The following PAPPA2 variants were observed in gnomAD, a reference collection of about 807,000 sequenced individuals.
PAPPA2 encodes the protein pappalysin-2.
Under a neutral mutation model 176.4 loss-of-function variants are expected in PAPPA2, and 86 were observed. The ratio of observed to expected loss-of-function variants is 0.49; its 90% CI spans 0.41 to 0.58. The LOEUF (loss-of-function observed/expected upper bound fraction) is 0.58, where lower values mean the gene tolerates loss of function less well. Among genes scored for constraint, PAPPA2 ranks in the 20% least tolerant of loss-of-function variants. The probability of loss-of-function intolerance (pLI) is 0.00; values close to 1 mark genes in which losing one functional copy is unlikely to be tolerated. For missense variants in PAPPA2, 2,073 were observed against 2,256.9 expected (o/e 0.92, Z 1.65); for synonymous variants, 809 against 852.2 (o/e 0.95, Z 0.88).
In PAPPA2 at chr1:176,716,366, C is replaced by T. The variant is rs1030615658; in HGVS notation, c.3798+4385C>T. Reference sequence around the variant, plus strand: ...GTTCAAGCGATTCTCCTGCCTCAGCCTCCCAAGTAGCTGGAATTACAGGTG... The same window carrying T: ...GTTCAAGCGATTCTCCTGCCTCAGCTTCCCAAGTAGCTGGAATTACAGGTG... On this transcript the variant is annotated intron_variant, in intron 12 of 22. Coordinates refer to ENST00000367662, the MANE Select transcript of PAPPA2 (RefSeq NM_020318.3). 4.6e-5 allele frequency among the ~76,000 whole-genome samples: 7 copies of T among 151,736 alleles called. No individual in the cohort carries two copies. The South Asian group carries it at 1.5e-3, about 32-fold the overall frequency.
In PAPPA2 at chr1:176,739,993, G is replaced by C. The variant is rs575531693; in HGVS notation, c.3948G>C (p.Leu1316=). ...GTTTATCTTCAGGAACCTATGGACT[G>C]TCATGCCAGCATAATCCACTGATTA... The part of the protein sequence containing the change: ...GSNHSLGTYG[L]SCQHNPLIIN... The change falls in exon 14 of 23, where the codon CTG becomes CTC. Residue 1316 remains leucine (L), a synonymous_variant. Coordinates refer to ENST00000367662, the MANE Select transcript of PAPPA2 (RefSeq NM_020318.3). The C allele has an allele frequency of 9.3e-6, 15 of 1,613,906 alleles. No individual in the cohort carries two copies. In the South Asian group the frequency reaches 1.4e-4, roughly 15 times the overall value.
chr1:176,527,641 T>C (rs1243341697), intron 1 of PAPPA2, among the ~76,000 whole-genome samples: 1 of 152,194 alleles, frequency 6.6e-6, no homozygotes, highest in Non-Finnish European at 1.5e-5. Flanking sequence ...CCACACTCTA[T>C]TCCTCTCACC....
At chr1:176,599,664 A>G (rs1190650540) in intron 3 of PAPPA2, among the ~76,000 whole-genome samples, 1 of 151,790 alleles carries the variant, frequency 6.6e-6, no homozygotes, top group Non-Finnish European at 1.5e-5. Context: ...AAAGATAAAA[A>G]TGTGATTCAT....
At chr1:176,775,042 G>A (rs948373056) in intron 17 of PAPPA2, among the ~76,000 whole-genome samples, 2 of 152,216 alleles carry the variant, frequency 1.3e-5, no homozygotes, top group African/African-American at 4.8e-5. Flanking sequence ...TTTTAGTGCA[G>A]GTATGATGTT....
chr1:176,795,186 C>G (rs1010525596), intron 20 of PAPPA2, among the ~76,000 whole-genome samples: 1 of 151,454 alleles, frequency 6.6e-6, no homozygotes, highest in Non-Finnish European at 1.5e-5. Flanking sequence ...TTTTCTCATC[C>G]CTTTTTTTTC....
intron 15 of PAPPA2, 54 bp from the exon 16 acceptor site, chr1:176,769,553 A>G: frequency 6.5e-7 from 1 of 1,539,644 alleles, no homozygotes; most frequent in South Asian, 1.1e-5. Context: ...CCTGGAAACT[A>G]CTCTGATACG....
chr1:176,681,397 T>C (rs1659578856), intron 4 of PAPPA2, among the ~76,000 whole-genome samples: 2 of 152,146 alleles, frequency 1.3e-5, no homozygotes, highest in Non-Finnish European at 2.9e-5. Context: ...AACTTGAACC[T>C]GGATCATGGG....
intron 6 of PAPPA2, among the ~76,000 whole-genome samples, chr1:176,694,479 G>T (rs1196864636): frequency 6.6e-6 from 1 of 152,240 alleles, no homozygotes; most frequent in Non-Finnish European, 1.5e-5. Context: ...TGCCAGTTAT[G>T]TGAGGTACTT....
chr1:176,799,920 A>G lies in PAPPA2; in HGVS notation c.5131-141A>G, dbSNP rs1313208342. ...GCACGGGAAAGGCTAGATAGCCCCA[A>G]TCCACTTTATGGGACACAATTAGAA... is the stretch of plus-strand genomic sequence containing the variant. On this transcript the variant is annotated intron_variant, in intron 20 of 22. Coordinates refer to ENST00000367662, the MANE Select transcript of PAPPA2 (RefSeq NM_020318.3). The G allele has an allele frequency of 3.8e-6, 3 of 798,686 alleles. 1 individual carries two copies. Among genetic ancestry groups the G allele is most frequent in the South Asian group, 3.3e-5 (2 of 60,760 alleles). The allele number at this position is 798,686 out of a possible 1,614,324, so 49.5% of individuals were successfully genotyped here.
At chr1:176,814,497 C>T (rs1030900652) in intron 21 of PAPPA2, among the ~76,000 whole-genome samples, 2 of 152,106 alleles carry the variant, frequency 1.3e-5, no homozygotes, top group African/African-American at 4.8e-5. Context: ...AGAGTTCCTT[C>T]ATTTCCTTTG....
intron 1 of PAPPA2, among the ~76,000 whole-genome samples, chr1:176,544,538 T>C (rs540136241): frequency 6.6e-6 from 1 of 152,176 alleles, no homozygotes; most frequent in Non-Finnish European, 1.5e-5. Context: ...TTTATATTCA[T>C]ATGCAATACC....
At chr1:176,819,945 T>C (rs967494731) in intron 21 of PAPPA2, among the ~76,000 whole-genome samples, 6 of 152,160 alleles carry the variant, frequency 3.9e-5, no homozygotes, top group Non-Finnish European at 7.4e-5. Context: ...AGCCCAGATC[T>C]GGGGCTTCCT....
intron 3 of PAPPA2, among the ~76,000 whole-genome samples, chr1:176,597,322 G>A (rs1284624796): frequency 6.6e-6 from 1 of 152,172 alleles, no homozygotes. Context: ...TAAAGTATAG[G>A]AAAGTAGCTC....
chr1:176,575,230 T>G (rs972269174), intron 2 of PAPPA2, among the ~76,000 whole-genome samples: 1 of 152,202 alleles, frequency 6.6e-6, no homozygotes, highest in African/African-American at 2.4e-5. Flanking sequence ...CTTTGCTTTC[T>G]TGACTTTCCA....
intron 1 of PAPPA2, among the ~76,000 whole-genome samples, chr1:176,512,685 A>C (rs1322866370): frequency 2.0e-5 from 3 of 152,178 alleles, no homozygotes; most frequent in Non-Finnish European, 4.4e-5. Context: ...TATTGATTAC[A>C]CTGATGTGTG....
chr1:176,735,925 C>A (rs1005712806), intron 12 of PAPPA2, among the ~76,000 whole-genome samples: 7 of 152,078 alleles, frequency 4.6e-5, no homozygotes, highest in African/African-American at 7.2e-5. Flanking sequence ...TGATATCTAG[C>A]TAAAGTTTTT....
intron 4 of PAPPA2, among the ~76,000 whole-genome samples, chr1:176,679,528 A>G (rs994024844): frequency 6.6e-6 from 1 of 152,244 alleles, no homozygotes; most frequent in Non-Finnish European, 1.5e-5. Flanking sequence ...TATAATGTTT[A>G]TTAAAGCAAT....
intron 3 of PAPPA2, among the ~76,000 whole-genome samples, chr1:176,652,607 A>G (rs541745228): frequency 1.3e-5 from 2 of 151,840 alleles, no homozygotes; most frequent in East Asian, 3.9e-4. Flanking sequence ...TAAGGTACAA[A>G]GCAGAGTTTC....
chr1:176,806,342 T>A (rs1665908369), intron 21 of PAPPA2, among the ~76,000 whole-genome samples: 1 of 152,178 alleles, frequency 6.6e-6, no homozygotes, highest in African/African-American at 2.4e-5. Context: ...GACACCTAAT[T>A]CTTCAGTGAC....
Sources: allele counts gnomAD v4.1 joint callset (sites outside exome capture counted in the v4.1 genomes callset), GRCh38; gene constraint gnomAD v4.1.1; transcripts MANE v1.5; gene names NCBI Gene and HGNC (gene_info 2026-07-23, HGNC 2026-07-21).